Variants in PHACTR3 observed in about 807,000 individuals in gnomAD.
PHACTR3 encodes the protein phosphatase and actin regulator 3, also known as protein phosphatase 1, regulatory subunit 123.
A neutral mutation model predicts 66.8 loss-of-function variants in PHACTR3; 16 were observed. The ratio of observed to expected loss-of-function variants is 0.24; its 90% confidence interval spans 0.16 to 0.36. PHACTR3 has a LOEUF of 0.36. Ranked by LOEUF, PHACTR3 falls within the 10% of genes least tolerant of loss-of-function variation. The probability of loss-of-function intolerance (pLI) is 1.00; values close to 1 mark genes in which losing one functional copy is unlikely to be tolerated. For synonymous variants in PHACTR3, 323 were observed against 292.1 expected (o/e 1.11, Z -1.08); for missense variants, 647 against 719.9 (o/e 0.90, Z 1.16).
chr20:59,597,483 C>A (rs2033358029), intron 1 of PHACTR3, among the ~76,000 whole-genome samples: 1 of 152,182 alleles, frequency 6.6e-6, no homozygotes, highest in Non-Finnish European at 1.5e-5. Flanking sequence ...GGGATCCAGT[C>A]CTGGCTTTGC....
At chr20:59,747,021 C>T (rs2039396493) in intron 2 of PHACTR3, among the ~76,000 whole-genome samples, 1 of 152,168 alleles carries the variant, frequency 6.6e-6, no homozygotes, top group South Asian at 2.1e-4. Flanking sequence ...AAACAGTTTT[C>T]CTGACGGAAG....
At chr20:59,826,406 C>T (rs1442064245) in intron 8 of PHACTR3, among the ~76,000 whole-genome samples, 1 of 152,196 alleles carries the variant, frequency 6.6e-6, no homozygotes, top group African/African-American at 2.4e-5. Flanking sequence ...CTTGGCTCAC[C>T]CTTGGCTGGG....
Position 59,791,931 on chromosome 20 carries a change from C to T in PHACTR3, c.1175-14110C>T, listed in dbSNP as rs557443990. On this transcript the variant is annotated intron_variant, in intron 7 of 12. Coordinates refer to ENST00000371015, the MANE Select transcript of PHACTR3 (RefSeq NM_080672.5). ...TGGGGCTGTTTTATGCTTATACAAGCGAAGATACATTAATATATGTTAAGC... is the reference window on the plus strand; with the variant it reads ...TGGGGCTGTTTTATGCTTATACAAGTGAAGATACATTAATATATGTTAAGC... 4.6e-5 allele frequency among the ~76,000 whole-genome samples: 7 copies of T among 152,210 alleles called. No homozygotes were observed. The East Asian group carries it at 9.7e-4, about 21-fold the overall frequency.
chr20:59,842,347 A>G (rs2059079346), intron 11 of PHACTR3, among the ~76,000 whole-genome samples: 1 of 152,224 alleles, frequency 6.6e-6, no homozygotes, highest in East Asian at 1.9e-4. Flanking sequence ...TTCATTCTTC[A>G]TATGCTGAGT....
intron 4 of PHACTR3, among the ~76,000 whole-genome samples, chr20:59,763,137 T>C (rs2040055613): frequency 6.6e-6 from 1 of 152,210 alleles, no homozygotes; most frequent in Admixed American, 6.5e-5. Flanking sequence ...GTTTCCTCCA[T>C]GCTATTCTCA....
intron 1 of PHACTR3, among the ~76,000 whole-genome samples, chr20:59,599,266 C>T (rs1163753014): frequency 6.6e-6 from 1 of 152,176 alleles, no homozygotes; most frequent in South Asian, 2.1e-4. Context: ...AGACTACGAC[C>T]TCCCAGGCAC....
chr20:59,753,727 A>C (rs138036611), intron 3 of PHACTR3, among the ~76,000 whole-genome samples: 35 of 152,378 alleles, frequency 2.3e-4, no homozygotes, highest in African/African-American at 8.4e-4. Flanking sequence ...ATTGAGATCC[A>C]GAGGAATTTG....
chr20:59,699,289 G>A (rs186910448), intron 1 of PHACTR3, among the ~76,000 whole-genome samples: 218 of 152,110 alleles, frequency 1.4e-3, no homozygotes, highest in African/African-American at 5.1e-3. Context: ...CTAGATTTGG[G>A]GCCCAGAGCT....
At chr20:59,585,798 G>C (rs572426565) in intron 1 of PHACTR3, among the ~76,000 whole-genome samples, 1 of 152,168 alleles carries the variant, frequency 6.6e-6, no homozygotes, top group Non-Finnish European at 1.5e-5. Flanking sequence ...AAGTACTGTC[G>C]CTCTGACATT....
At chr20:59,812,763 C>G (rs144903963) in intron 8 of PHACTR3, among the ~76,000 whole-genome samples, 2,725 of 152,294 alleles carry the variant, frequency 0.018, 53 homozygotes, top group Non-Finnish European at 0.019. Flanking sequence ...GCTTCCAATG[C>G]CAGCCTTCAT....
intron 1 of PHACTR3, among the ~76,000 whole-genome samples, chr20:59,655,317 A>G (rs1197407165): frequency 6.6e-6 from 1 of 152,022 alleles, no homozygotes; most frequent in Non-Finnish European, 1.5e-5. Flanking sequence ...TACACTTCAC[A>G]CTTTTGAAAT....
chr20:59,767,280 C>T lies in PHACTR3; in HGVS notation c.636C>T (p.Asp212=), dbSNP rs2146868471. ...NELSQALAGA[D]SLDSPPRPLE... ...TCTCCCAAGCCTTAGCTGGGGCTGA[C>T]TCCCTGGACAGTCCTCCCAGACCTC... Residue 212 remains aspartate (D), a synonymous_variant, in exon 5 of 13, where the codon GAC becomes GAT. Coordinates refer to ENST00000371015, the MANE Select transcript of PHACTR3 (RefSeq NM_080672.5). 1.9e-6 allele frequency: 3 copies of T among 1,614,258 alleles called. No homozygotes were observed. Among genetic ancestry groups the T allele is most frequent in the Non-Finnish European group, 2.5e-6 (3 of 1,180,048 alleles).
intron 1 of PHACTR3, among the ~76,000 whole-genome samples, chr20:59,691,913 A>G (rs577936580): frequency 6.6e-6 from 1 of 152,328 alleles, no homozygotes; most frequent in Non-Finnish European, 1.5e-5. Context: ...ATTTTTAGGT[A>G]CCCAGAAATT....
chr20:59,646,303 T>C (rs2035279365), intron 1 of PHACTR3, among the ~76,000 whole-genome samples: 1 of 152,226 alleles, frequency 6.6e-6, no homozygotes, highest in Non-Finnish European at 1.5e-5. Context: ...CAAGGGCTGT[T>C]TTAAAAAATT....
chr20:59,670,610 G>GGGGGC (rs1601055658), intron 1 of PHACTR3, among the ~76,000 whole-genome samples: 1 of 137,290 alleles, frequency 7.3e-6, no homozygotes, highest in East Asian at 2.4e-4. Flanking sequence ...GGGGGTGGGG[G>GGGGGC]GGGGGGGCAG....
At chr20:59,622,976 T>C (rs2034298540) in intron 1 of PHACTR3, among the ~76,000 whole-genome samples, 1 of 5,302 alleles carries the variant, frequency 1.9e-4, no homozygotes, top group African/African-American at 2.1e-3. Flanking sequence ...TACAGCAGCT[T>C]TAACCAAAAA....
intron 1 of PHACTR3, among the ~76,000 whole-genome samples, chr20:59,606,914 G>A (rs1323114817): frequency 2.0e-5 from 3 of 152,160 alleles, no homozygotes; most frequent in African/African-American, 7.2e-5. Context: ...TAAAATATGT[G>A]CAATTCTGTG....
At chr20:59,793,341 T>C (rs188812463) in intron 7 of PHACTR3, among the ~76,000 whole-genome samples, 2 of 152,344 alleles carry the variant, frequency 1.3e-5, no homozygotes, top group East Asian at 1.9e-4. Context: ...GGTATTTTGA[T>C]AAAGATTGCA....
At chr20:59,737,260 C>T (rs577730819) in intron 1 of PHACTR3, among the ~76,000 whole-genome samples, 19 of 152,230 alleles carry the variant, frequency 1.2e-4, no homozygotes, top group African/African-American at 2.9e-4. Context: ...CACCTGCCCT[C>T]GAGGCTCCCT....
Sources: gnomAD v4.1 joint callset for allele counts (sites outside exome capture counted in the v4.1 genomes callset) on GRCh38, gnomAD v4.1.1 for gene constraint, MANE v1.5 for transcripts, NCBI Gene and HGNC (gene_info 2026-07-23, HGNC 2026-07-21) for gene names.